JARID2: variants seen among roughly 807,000 people sequenced by gnomAD.
JARID2 encodes protein Jumonji.
In JARID2, 21 loss-of-function variants were observed where a neutral mutation model predicts 125.6. The ratio of observed to expected loss-of-function variants is 0.17; its 90% CI spans 0.12 to 0.24. JARID2 has a LOEUF of 0.24. JARID2 is among the 10% of genes least tolerant of loss of function. The pLI, the probability that JARID2 is intolerant of heterozygous loss-of-function variation, is 1.00. For synonymous variants in JARID2, 736 were observed against 661.6 expected, an observed-to-expected ratio of 1.11 and a Z score of -1.73; for missense variants, 1,303 against 1,639.6, an observed-to-expected ratio of 0.79 and a Z score of 3.55.
chr6:15,346,473 A>G (rs76077086), intron 1 of JARID2, among the ~76,000 whole-genome samples: 10 of 152,282 alleles, frequency 6.6e-5, no homozygotes, highest in African/African-American at 2.4e-4. Context: ...TCTGGTTTCA[A>G]TTAACATGCT....
chr6:15,357,599 T>TC (rs1763647514), intron 1 of JARID2, among the ~76,000 whole-genome samples: 1 of 152,224 alleles, frequency 6.6e-6, no homozygotes, highest in African/African-American at 2.4e-5. Context: ...TTTATTGATT[T>TC]TTTTTTTAAT....
chr6:15,487,341 G>C lies in JARID2; in HGVS notation c.705G>C (p.Lys235Asn), dbSNP rs1388806177. The change falls in exon 6 of 18, where the codon AAG becomes AAC. Residue 235 changes from lysine to asparagine, a missense_variant. Transcript: ENST00000341776. ...GTTCCAGCAGGTCAACACGGGAGAA[G>C]GAACCTGTTCAAAAACACAAAAGCA... ...FNGSSRSTRE[K>N]EPVQKHKSKE... 3 of 1,614,154 alleles carry C rather than the reference G, an allele frequency of 1.9e-6. No homozygotes were observed. The highest frequency in any genetic ancestry group is 8.5e-7 in the Non-Finnish European group (1 of 1,180,038).
rs538623162 is a variant in JARID2 at position 15,444,326 on chromosome 6, T to A, written c.324-7680T>A. Among the ~76,000 whole-genome samples the A allele has an allele frequency of 3.9e-5, 6 of 152,340 alleles. No individual in the cohort carries two copies. The East Asian group carries it at 1.2e-3, about 29-fold the overall frequency. On this transcript the variant is annotated intron_variant, in intron 3 of 17. Coordinates refer to ENST00000341776, the MANE Select transcript of JARID2 (RefSeq NM_004973.4). ...CTCTCATTACAGAGTTTGCTATGAA[T>A]TGGTCTCTGCTAGCCTCTGGGTTCA... is the stretch of plus-strand genomic sequence containing the variant.
intron 3 of JARID2, among the ~76,000 whole-genome samples, chr6:15,445,553 G>A (rs1337735087): frequency 6.6e-6 from 1 of 152,126 alleles, no homozygotes; most frequent in Non-Finnish European, 1.5e-5. Context: ...AGGACAATAG[G>A]GATCTTTCCC....
intron 8 of JARID2, 133 bp downstream of exon 8, chr6:15,501,542 C>T: frequency 3.8e-6 from 3 of 790,186 alleles, no homozygotes; most frequent in Non-Finnish European, 3.9e-6. Context: ...GGCCACTGTG[C>T]TGGGTGATAG....
intron 3 of JARID2, among the ~76,000 whole-genome samples, chr6:15,415,946 G>A (rs1050103965): frequency 6.6e-6 from 1 of 151,796 alleles, no homozygotes; most frequent in African/African-American, 2.4e-5. Flanking sequence ...TGGCTGCCGG[G>A]CGGAGGGTCT....
At chr6:15,469,318 GTCTCTCTC>G (rs1212844795) in intron 5 of JARID2, among the ~76,000 whole-genome samples, 4 of 48,580 alleles carry the variant, frequency 8.2e-5, no homozygotes, top group Non-Finnish European at 1.6e-4. Context: ...CTCTCTCTCT[GTCTCTCTC>G]TCTCTCTCTC....
chr6:15,517,524 C>T (rs981833035), intron 17 of JARID2, among the ~76,000 whole-genome samples: 1 of 151,402 alleles, frequency 6.6e-6, no homozygotes, highest in Non-Finnish European at 1.5e-5. Flanking sequence ...CCTGCAGCCG[C>T]CCCCCCGGCT....
At position 15,501,299 on chromosome 6, in the gene JARID2, G is replaced by A; in HGVS notation, c.2338G>A (p.Ala780Thr). 1 of 1,612,932 alleles carries A rather than the reference G, an allele frequency of 6.2e-7. No individual in the cohort carries two copies. The highest frequency in any genetic ancestry group is 1.1e-5 in the South Asian group (1 of 91,050). Residue 780 changes from alanine to threonine, a missense_variant, in exon 8 of 18, where the codon GCC becomes ACC. Transcript: ENST00000341776. ...CAGCAAGCTCAAGGAGGTGGGCCAG[G>A]CCCAGTTGAAGACTGGCCGGCGGCG... ...FRSKLKEVGQ[A>T]QLKTGRRRLF...
chr6:15,298,674 C>T (rs186252663), intron 1 of JARID2, among the ~76,000 whole-genome samples: 110 of 141,550 alleles, frequency 7.8e-4, no homozygotes, highest in African/African-American at 2.7e-3. Flanking sequence ...AGTGAGACTC[C>T]ATCTCAAAAA....
At chr6:15,326,772 A>C (rs1232314168) in intron 1 of JARID2, among the ~76,000 whole-genome samples, 1 of 152,220 alleles carries the variant, frequency 6.6e-6, no homozygotes, top group Non-Finnish European at 1.5e-5. Context: ...AAGTTCTGGG[A>C]TAATAGGCGT....
At chr6:15,489,115 AAGAC>A (rs1456534636) in intron 6 of JARID2, among the ~76,000 whole-genome samples, 6 of 152,234 alleles carry the variant, frequency 3.9e-5, no homozygotes, top group Non-Finnish European at 7.3e-5. Context: ...CCCAGGGAGA[AAGAC>A]AGAAAGACAG....
intron 1 of JARID2, among the ~76,000 whole-genome samples, chr6:15,328,622 G>GTAA (rs1439789129): frequency 6.6e-6 from 1 of 151,806 alleles, no homozygotes; most frequent in Non-Finnish European, 1.5e-5. Context: ...GTTGCCCAGT[G>GTAA]TAATATAGTA....
chr6:15,387,485 CCAGCCCTCT>C (rs1182234654), intron 2 of JARID2, among the ~76,000 whole-genome samples: 4 of 152,138 alleles, frequency 2.6e-5, no homozygotes, highest in African/African-American at 9.7e-5. Context: ...TGCGAGGACT[CCAGCCCTCT>C]CAGGTCAGAG....
intron 1 of JARID2, among the ~76,000 whole-genome samples, chr6:15,362,480 T>C (rs1763832961): frequency 6.6e-6 from 1 of 152,252 alleles, no homozygotes; most frequent in Non-Finnish European, 1.5e-5. Context: ...ATGCAGTTAG[T>C]AAACACTGGC....
chr6:15,279,833 G>C (rs1413537140), intron 1 of JARID2, among the ~76,000 whole-genome samples: 4 of 152,112 alleles, frequency 2.6e-5, no homozygotes, highest in Admixed American at 2.6e-4. Flanking sequence ...CATTACCTAA[G>C]ACCCTTCATT....
At chr6:15,428,070 C>T (rs779663534) in intron 3 of JARID2, among the ~76,000 whole-genome samples, 22 of 151,952 alleles carry the variant, frequency 1.4e-4, no homozygotes, top group Non-Finnish European at 2.8e-4. Context: ...GGGAGTCTGG[C>T]GGGTGATGAA....
intron 3 of JARID2, among the ~76,000 whole-genome samples, chr6:15,450,421 C>T (rs569525772): frequency 7.2e-5 from 11 of 152,202 alleles, no homozygotes; most frequent in African/African-American, 2.6e-4. Flanking sequence ...CCACCCACAT[C>T]GGCCTCCCAA....
intron 2 of JARID2, among the ~76,000 whole-genome samples, chr6:15,384,083 C>T (rs138266442): frequency 1.6e-3 from 246 of 152,254 alleles, no homozygotes; most frequent in African/African-American, 5.5e-3. Flanking sequence ...CGTGAGCCAC[C>T]GTGCCCAACC....
Sources: allele counts gnomAD v4.1 joint callset (sites outside exome capture counted in the v4.1 genomes callset), GRCh38; gene constraint gnomAD v4.1.1; transcripts MANE v1.5; gene names NCBI Gene and HGNC (gene_info 2026-07-23, HGNC 2026-07-21).